Variants in ATP8B1 observed in about 807,000 individuals in gnomAD.
ATP8B1 encodes ATPase phospholipid transporting 8B1.
ATP8B1 carries 80 observed loss-of-function variants against 149.9 expected under a neutral mutation model. The ratio of observed to expected loss-of-function variants is 0.53; its 90% CI spans 0.45 to 0.64. The LOEUF is 0.64. Ranked by LOEUF, ATP8B1 falls within the 30% of genes least tolerant of loss-of-function variation. ATP8B1 has a pLI of 0.00. For missense variants in ATP8B1, 1,247 were observed against 1,552.6 expected (o/e 0.80, Z 3.31); for synonymous variants, 536 against 562.8 (o/e 0.95, Z 0.67).
intron 1 of ATP8B1, among the ~76,000 whole-genome samples, chr18:57,736,883 C>G (rs9676158): frequency 2.0e-5 from 3 of 151,898 alleles, no homozygotes; most frequent in Non-Finnish European, 4.4e-5. Flanking sequence ...CTGTTTTTAG[C>G]CCATATTATG....
chr18:57,758,158 C>A (rs1344472365), intron 1 of ATP8B1, among the ~76,000 whole-genome samples: 2 of 152,052 alleles, frequency 1.3e-5, no homozygotes, highest in African/African-American at 4.8e-5. Flanking sequence ...CAAGTCTGGC[C>A]CCATCCTTGA....
rs572811614 is a variant in ATP8B1 at position 57,792,067 on chromosome 18, ATG to A, written c.-26+10929_-26+10930del. Among the ~76,000 whole-genome samples the A allele has an allele frequency of 1.7e-4, 26 of 152,322 alleles. No individual in the cohort carries two copies. The East Asian group carries it at 4.6e-3, about 27-fold the overall frequency. On this transcript the variant is annotated intron_variant, in intron 1 of 27. Transcript: ENST00000648908. ...CTTGTCTTTAGAGTCACTGTGGACC[ATG>A]TAATCAATTGTGAAGGTGAGCCAAT...
Position 57,664,501 on chromosome 18 carries a change from G to GAAA in ATP8B1, c.2286-1889_2286-1887dup, listed in dbSNP as rs532262308. 3.1e-3 allele frequency among the ~76,000 whole-genome samples: 311 copies of GAAA among 99,456 alleles called. 3 individuals carry two copies. The highest frequency in any genetic ancestry group is 4.2e-3 in the Non-Finnish European group (221 of 52,004). 65.2% of individuals were successfully genotyped at this position (99,456 alleles called of 152,430 possible). The stretch of plus-strand genomic sequence containing the variant: ...AGCCTGGGTGACAGAGTCTTTCTAA[G>GAAA]AAAAAAAAAAAAAAAAAAAAGGAAA... On this transcript the variant is annotated intron_variant, in intron 20 of 27. Transcript: ENST00000648908.
chr18:57,760,850 A>C (rs1420198760), intron 1 of ATP8B1, among the ~76,000 whole-genome samples: 3 of 151,768 alleles, frequency 2.0e-5, no homozygotes, highest in Non-Finnish European at 4.4e-5. Context: ...TTAGCCAGGC[A>C]TGATGGCGCG....
intron 4 of ATP8B1, 100 bp downstream of exon 4, chr18:57,704,455 A>G (rs2122961935): frequency 1.2e-6 from 1 of 849,964 alleles, no homozygotes; most frequent in South Asian, 1.4e-5. Flanking sequence ...TGATGCTAAT[A>G]TAAAACACTT....
Position 57,668,554 on chromosome 18 carries a change from T to TTA in ATP8B1, c.2098-15_2098-14insTA. 4.7e-6 allele frequency: 3 copies of TTA among 643,508 alleles called. No individual in the cohort carries two copies. Among genetic ancestry groups the TTA allele is most frequent in the South Asian group, 2.3e-5 (1 of 43,892 alleles). The allele number at this position is 643,508 out of a possible 1,614,324, so 39.9% of individuals were successfully genotyped here. Reference sequence around the variant, plus strand: ...AGCTCCCAGGAGCTAGAATGTATATTAAAAAAAAAAAAAAAAGGAATTAGC... The same window carrying TTA: ...AGCTCCCAGGAGCTAGAATGTATATTTAAAAAAAAAAAAAAAAAGGAATTAGC... On this transcript the variant is annotated splice_polypyrimidine_tract_variant and intron_variant, in intron 18 of 27. Coordinates refer to ENST00000648908, the MANE Select transcript of ATP8B1 (RefSeq NM_001374385.1).
intron 1 of ATP8B1, among the ~76,000 whole-genome samples, chr18:57,770,428 A>G (rs975400675): frequency 6.6e-6 from 1 of 152,220 alleles, no homozygotes; most frequent in Non-Finnish European, 1.5e-5. Context: ...CCTGTGTTCT[A>G]TATGCAATGG....
intron 2 of ATP8B1, among the ~76,000 whole-genome samples, chr18:57,724,252 G>T (rs962266014): frequency 2.1e-5 from 3 of 146,140 alleles, no homozygotes; most frequent in African/African-American, 7.6e-5. Flanking sequence ...TGACAAATGG[G>T]ATCTAATTAA....
chr18:57,681,539 G>A (rs148688140), intron 15 of ATP8B1, among the ~76,000 whole-genome samples: 6,185 of 152,146 alleles, frequency 0.041, 154 homozygotes, highest in Middle Eastern at 0.085. Context: ...GGTGGCTCAC[G>A]CGTGTAATCC....
chr18:57,707,904 C>T (rs1913487909), intron 2 of ATP8B1, among the ~76,000 whole-genome samples: 1 of 151,482 alleles, frequency 6.6e-6, no homozygotes, highest in African/African-American at 2.4e-5. Flanking sequence ...TGCCTGTAAT[C>T]CTAGCACTTT....
Position 57,652,702 on chromosome 18 carries a change from A to G in ATP8B1, c.3043T>C (p.Phe1015Leu). Residue 1015 changes from phenylalanine (F) to leucine (L), a missense_variant, in exon 25 of 28, where the codon TTC (phenylalanine) becomes CTC (leucine). Transcript: ENST00000648908. ...TGTCCCACTATGTATAACCCAGGGA[A>G]TCGGAGGCTCAGTTTGTCACTCACA... The part of the protein sequence containing the change: ...QDVSDKLSLR[F>L]PGLYIVGQRD... 1 of 1,614,204 alleles carries G rather than the reference A, an allele frequency of 6.2e-7. No homozygotes were observed. Among genetic ancestry groups the G allele is most frequent in the Non-Finnish European group, 8.5e-7 (1 of 1,180,016 alleles).
intron 6 of ATP8B1, among the ~76,000 whole-genome samples, chr18:57,700,132 G>C (rs965182762): frequency 6.6e-6 from 1 of 152,150 alleles, no homozygotes; most frequent in African/African-American, 2.4e-5. Context: ...GAAGGTGCTG[G>C]CCTATCCATT....
intron 1 of ATP8B1, among the ~76,000 whole-genome samples, chr18:57,752,640 A>G (rs1365410755): frequency 6.6e-6 from 1 of 152,190 alleles, no homozygotes; most frequent in African/African-American, 2.4e-5. Flanking sequence ...TTTATTATTA[A>G]CCATCGTAAA....
In ATP8B1 at chr18:57,803,305, G is replaced by A. The variant is rs147338455; in HGVS notation, c.-333C>T. Among the ~76,000 whole-genome samples the A allele has an allele frequency of 0.028, 4,218 of 152,292 alleles. 93 individuals carry two copies. The highest frequency in any genetic ancestry group is 0.054 in the Middle Eastern group (16 of 294). On this transcript the variant is annotated 5_prime_UTR_variant, in exon 1 of 28. Coordinates refer to ENST00000648908, the MANE Select transcript of ATP8B1 (RefSeq NM_001374385.1). ...GGCCAAACTGGTTTCTCCGCTCGGG[G>A]AGGTGCCTCTGGTTTCCCTCCAGCA...
Position 57,688,281 on chromosome 18 carries a change from G to A in ATP8B1, c.1429+18C>T. The stretch of plus-strand genomic sequence containing the variant: ...GCAGCCCCACTCACCCAGAAAATGA[G>A]TGACGGCTTCCACTTACCATATATC... On this transcript the variant is annotated intron_variant, in intron 13 of 27. Transcript: ENST00000648908. 1 of 1,611,690 alleles carries A rather than the reference G, an allele frequency of 6.2e-7. No homozygotes were observed. The highest frequency in any genetic ancestry group is 8.5e-7 in the Non-Finnish European group (1 of 1,178,266).
rs534006599 is a variant in ATP8B1, at chr18:57,647,493, A to C, written c.*995T>G. The C allele has an allele frequency of 2.0e-5, 3 of 152,430 alleles. No individual in the cohort carries two copies. In the East Asian group the frequency reaches 5.8e-4, roughly 29 times the overall value. 9.4% of individuals were successfully genotyped at this position (152,430 alleles called of 1,614,324 possible). ...TAGCTTTCAGATGATGAACACTGAT[A>C]AGTCATTTGTCATTACTATAAATTT... is the stretch of plus-strand genomic sequence containing the variant. On this transcript the variant is annotated 3_prime_UTR_variant, in exon 28 of 28. Coordinates refer to ENST00000648908, the MANE Select transcript of ATP8B1 (RefSeq NM_001374385.1).
chr18:57,651,234 T>C (rs1050351444), intron 26 of ATP8B1, among the ~76,000 whole-genome samples: 1 of 152,162 alleles, frequency 6.6e-6, no homozygotes, highest in East Asian at 1.9e-4. Flanking sequence ...GCCTCCTGAA[T>C]AGCTGGGACT....
intron 1 of ATP8B1, among the ~76,000 whole-genome samples, chr18:57,767,451 T>C (rs544177875): frequency 6.6e-6 from 1 of 152,242 alleles, no homozygotes; most frequent in South Asian, 2.1e-4. Context: ...ACTAGCCTCA[T>C]TTCAAGTGTT....
chr18:57,676,866 G>A (rs1911631823), intron 15 of ATP8B1, among the ~76,000 whole-genome samples: 1 of 151,874 alleles, frequency 6.6e-6, no homozygotes. Context: ...ATAAGAATAA[G>A]CTAGGTTCAG....
Sources: gnomAD v4.1 joint callset for allele counts (sites outside exome capture counted in the v4.1 genomes callset) on GRCh38, gnomAD v4.1.1 for gene constraint, MANE v1.5 for transcripts, NCBI Gene and HGNC (gene_info 2026-07-23, HGNC 2026-07-21) for gene names.